Variants in TGM5 observed in about 807,000 individuals in gnomAD.
TGM5 encodes the protein protein-glutamine gamma-glutamyltransferase 5.
A neutral mutation model predicts 77.2 loss-of-function variants in TGM5; 69 were observed. That is an observed-to-expected ratio of 0.89 (90% CI 0.74 to 1.09). The LOEUF is 1.09. Among genes scored for constraint, TGM5 ranks in the 50% least tolerant of loss-of-function variants. The probability of loss-of-function intolerance (pLI) is 0.00; values close to 1 mark genes in which losing one functional copy is unlikely to be tolerated. For missense variants in TGM5, 842 were observed against 896.5 expected, an observed-to-expected ratio of 0.94 and a Z score of 0.78; for synonymous variants, 346 against 351.8, an observed-to-expected ratio of 0.98 and a Z score of 0.18.
At chr15:43,256,933 A>G (rs1596449915) in intron 3 of TGM5, among the ~76,000 whole-genome samples, 1 of 152,352 alleles carries the variant, frequency 6.6e-6, no homozygotes, top group Non-Finnish European at 1.5e-5. Flanking sequence ...AAGCACATTT[A>G]CATCCTATCC....
In TGM5 at chr15:43,259,149, C is replaced by G. The variant is rs979440084; in HGVS notation, c.436+903G>C. Among the ~76,000 whole-genome samples the G allele has an allele frequency of 2.0e-5, 3 of 152,170 alleles. No homozygotes were observed. The South Asian group carries it at 6.2e-4, about 32-fold the overall frequency. On this transcript the variant is annotated intron_variant, in intron 3 of 12. Coordinates refer to ENST00000220420, the MANE Select transcript of TGM5 (RefSeq NM_201631.4). ...CAGACTTGGGAGTCTGGCCTCTGCTCAAAGCACAGCAGACCCGTTCTCTAC... is the reference window on the plus strand; with the variant it reads ...CAGACTTGGGAGTCTGGCCTCTGCTGAAAGCACAGCAGACCCGTTCTCTAC...
intron 1 of TGM5, among the ~76,000 whole-genome samples, chr15:43,261,077 T>TTTTTTTTTTTG (rs2042784376): frequency 2.0e-4 from 2 of 9,780 alleles, no homozygotes; most frequent in African/African-American, 1.6e-3. Flanking sequence ...TGTGTGTGTG[T>TTTTTTTTTTTG]TTTTTTTTTT....
intron 9 of TGM5, among the ~76,000 whole-genome samples, 190 bp downstream of exon 9, chr15:43,238,627 C>T (rs2042608121): frequency 6.6e-6 from 1 of 152,178 alleles, no homozygotes; most frequent in Non-Finnish European, 1.5e-5. Flanking sequence ...GCTCGCTGGC[C>T]TGCAGGATGT....
In TGM5 at chr15:43,252,267, G is replaced by T. The variant is rs139083707; in HGVS notation, c.862+492C>A. Among the ~76,000 whole-genome samples, 192 of 152,346 alleles carry T rather than the reference G, an allele frequency of 1.3e-3. 2 individuals are homozygous for T. Among genetic ancestry groups the T allele is most frequent in the Non-Finnish European group, 7.2e-4 (49 of 68,030 alleles). ...GACTGTCACTTCGGAACCATGGTCT[G>T]ACATAAGCCCAGACATGTGCAGTCT... On this transcript the variant is annotated intron_variant, in intron 6 of 12. Coordinates refer to ENST00000220420, the MANE Select transcript of TGM5 (RefSeq NM_201631.4).
At chr15:43,235,429 C>T (rs2042580980) in intron 10 of TGM5, 40 bp downstream of exon 10, 1 of 1,613,668 alleles carries the variant, frequency 6.2e-7, no homozygotes, top group Non-Finnish European at 8.5e-7. Context: ...CTGACATTGC[C>T]AAAACCAACT....
intron 5 of TGM5, 125 bp from the exon 6 acceptor site, chr15:43,253,061 T>C (rs1159456449): frequency 9.4e-6 from 10 of 1,062,434 alleles, no homozygotes; most frequent in Non-Finnish European, 1.3e-5. Context: ...CATTTTACTG[T>C]GGACTTCCAG....
intron 4 of TGM5, among the ~76,000 whole-genome samples, chr15:43,254,822 A>G (rs1404700301): frequency 6.6e-6 from 1 of 151,676 alleles, no homozygotes; most frequent in Non-Finnish European, 1.5e-5. Context: ...CTTCTATGAT[A>G]CTCCCATGCC....
At chr15:43,233,734 T>C in intron 11 of TGM5, 47 bp from the exon 12 acceptor site, 1 of 1,609,050 alleles carries the variant, frequency 6.2e-7, no homozygotes, top group Non-Finnish European at 8.5e-7. Flanking sequence ...ATTCCCCAAC[T>C]CACCAGATAT....
intron 6 of TGM5, among the ~76,000 whole-genome samples, chr15:43,243,950 G>T (rs530571514): frequency 6.6e-6 from 1 of 152,174 alleles, no homozygotes; most frequent in Non-Finnish European, 1.5e-5. Flanking sequence ...AGAGAGGTAA[G>T]GTCACAGGGC....
chr15:43,244,855 C>A (rs1470254700), intron 6 of TGM5, among the ~76,000 whole-genome samples: 1 of 152,024 alleles, frequency 6.6e-6, no homozygotes, highest in African/African-American at 2.4e-5. Context: ...ATTGCTTGAG[C>A]CCAGGAGTTT....
intron 1 of TGM5, 106 bp from the exon 2 acceptor site, chr15:43,260,685 T>C: frequency 8.3e-7 from 1 of 1,202,264 alleles, no homozygotes; most frequent in South Asian, 1.2e-5. Flanking sequence ...AGCTTGAGCC[T>C]CAGTTTCCAT....
At position 43,233,614 on chromosome 15, in the gene TGM5, A is replaced by G. The variant is rs376394414; in HGVS notation, c.1949T>C (p.Val650Ala). ...VIFSNPLSEQVEDCVLTVEGS... is the reference protein window; with the variant it reads ...VIFSNPLSEQAEDCVLTVEGS... ...TTCCACAGTCAGCACACAGTCCTCA[A>G]CCTGCTCCGAGAGGGGGTTTGAAAA... The change falls in exon 12 of 13, where the codon GTT becomes GCT. Residue 650 changes from valine (V) to alanine (A), a missense_variant. Transcript: ENST00000220420. 6.2e-7 allele frequency: 1 copy of G among 1,614,038 alleles called. No homozygotes were observed. The highest frequency in any genetic ancestry group is 1.3e-5 in the African/African-American group (1 of 74,898).
chr15:43,261,090 T>TTTTTTTTTTTTTTTTTTTGTTTTTTG (rs2042786497), intron 1 of TGM5, among the ~76,000 whole-genome samples: 1 of 97,118 alleles, frequency 1.0e-5, no homozygotes, highest in African/African-American at 5.1e-5. Context: ...TTTTTTTTTT[T>TTTTTTTTTTTTTTTTTTTGTTTTTTG]TTTTTTTTTT....
intron 6 of TGM5, among the ~76,000 whole-genome samples, chr15:43,246,923 T>C (rs1340871252): frequency 2.0e-5 from 3 of 152,096 alleles, no homozygotes; most frequent in African/African-American, 7.2e-5. Context: ...GGAGCCATCA[T>C]AACAAAGCTT....
chr15:43,253,443 T>G, intron 5 of TGM5, 63 bp downstream of exon 5: 1 of 1,600,764 alleles, frequency 6.2e-7, no homozygotes, highest in Non-Finnish European at 8.5e-7. Context: ...AGGGGGCAAC[T>G]GTGAGTGGGC....
chr15:43,245,806 C>T (rs2042665582), intron 6 of TGM5, among the ~76,000 whole-genome samples: 1 of 150,112 alleles, frequency 6.7e-6, no homozygotes, highest in African/African-American at 2.5e-5. Context: ...AAAATGGCAG[C>T]GCAGAAGATG....
chr15:43,246,926 C>CTTA (rs2042673184), intron 6 of TGM5, among the ~76,000 whole-genome samples: 2 of 152,068 alleles, frequency 1.3e-5, no homozygotes, highest in Admixed American at 1.3e-4. Context: ...GCCATCATAA[C>CTTA]AAAGCTTAAA....
At chr15:43,241,319 A>C in intron 6 of TGM5, 1 of 403,282 alleles carries the variant, frequency 2.5e-6, no homozygotes, top group Non-Finnish European at 4.7e-6. Flanking sequence ...GGCCTGACTC[A>C]ACTGCATTTC....
chr15:43,234,675 C>T (rs1005807520), intron 11 of TGM5, 94 bp downstream of exon 11: 2 of 1,523,788 alleles, frequency 1.3e-6, no homozygotes, highest in East Asian at 2.3e-5. Flanking sequence ...GGGATGCTCT[C>T]CTAAGCAGGC....
Sources: gnomAD v4.1 joint callset for allele counts (sites outside exome capture counted in the v4.1 genomes callset) on GRCh38, gnomAD v4.1.1 for gene constraint, MANE v1.5 for transcripts, NCBI Gene and HGNC (gene_info 2026-07-23, HGNC 2026-07-21) for gene names.